The following GALNT13 variants were observed in gnomAD, a reference collection of about 807,000 sequenced individuals.
GALNT13 encodes the protein UDP-GalNAc:polypeptide N-acetylgalactosaminyltransferase 13.
Under a neutral mutation model 64.2 loss-of-function variants are expected in GALNT13, and 28 were observed. That is an observed-to-expected ratio of 0.44 (90% CI 0.32 to 0.60). The LOEUF (loss-of-function observed/expected upper bound fraction) is 0.60, where lower values mean the gene tolerates loss of function less well. Among genes scored for constraint, GALNT13 ranks in the 20% least tolerant of loss-of-function variants. The probability of loss-of-function intolerance (pLI) is 0.05; values close to 1 mark genes in which losing one functional copy is unlikely to be tolerated. For synonymous variants in GALNT13, 214 were observed against 224.6 expected, an observed-to-expected ratio of 0.95 and a Z score of 0.42; for missense variants, 577 against 669.8, an observed-to-expected ratio of 0.86 and a Z score of 1.53.
the GALNT13 span, among the ~76,000 whole-genome samples, chr2:153,735,467 A>G: frequency 6.6e-6 from 1 of 152,130 alleles, no homozygotes; most frequent in African/African-American, 2.4e-5. Flanking sequence ...TCTTTTTAGC[A>G]TGTTATGATG....
At chr2:154,088,961 AT>A (rs1160038187) in intron 3 of GALNT13, among the ~76,000 whole-genome samples, 1 of 152,024 alleles carries the variant, frequency 6.6e-6, no homozygotes, top group South Asian at 2.1e-4. Flanking sequence ...CATCTCTGAG[AT>A]TTTTTGTGAA....
rs148713235 is a variant in GALNT13, at chr2:154,008,511, A to G, written c.142+63872A>G. Among the ~76,000 whole-genome samples the G allele has an allele frequency of 2.1e-3, 313 of 151,962 alleles. 2 individuals carry two copies. Among genetic ancestry groups the G allele is most frequent in the African/African-American group, 7.2e-3 (297 of 41,462 alleles). ...AATTGTGTGTTATGGAGGGTTGGTA[A>G]TACAGATTATTTAATCACCCAGGTA... On this transcript the variant is annotated intron_variant, in intron 3 of 12. Transcript: ENST00000392825.
intron 9 of GALNT13, among the ~76,000 whole-genome samples, chr2:154,389,979 C>T (rs1479948320): frequency 1.3e-5 from 2 of 151,976 alleles, no homozygotes; most frequent in East Asian, 1.9e-4. Flanking sequence ...TTCAAAATGT[C>T]TGGGTGGCCT....
the GALNT13 span, among the ~76,000 whole-genome samples, chr2:153,322,327 T>C: frequency 6.6e-6 from 1 of 152,138 alleles, no homozygotes; most frequent in African/African-American, 2.4e-5. Context: ...TCCATGTTGC[T>C]GCAAAGGGCA....
At chr2:154,215,932 G>T (rs1161017320) in intron 4 of GALNT13, among the ~76,000 whole-genome samples, 2 of 151,770 alleles carry the variant, frequency 1.3e-5, no homozygotes, top group African/African-American at 4.8e-5. Context: ...TAGGGAAAAC[G>T]AACTCTTATA....
At chr2:153,247,036 C>G in the GALNT13 span, among the ~76,000 whole-genome samples, 1 of 151,778 alleles carries the variant, frequency 6.6e-6, no homozygotes, top group Admixed American at 6.6e-5. Context: ...CAACAAAGAT[C>G]AAAAAATAAA....
chr2:154,248,191 A>G (rs1276556580), intron 7 of GALNT13, among the ~76,000 whole-genome samples: 1 of 152,118 alleles, frequency 6.6e-6, no homozygotes, highest in Non-Finnish European at 1.5e-5. Context: ...TAGAAATACA[A>G]TCATGCATCT....
chr2:153,954,152 T>G (rs116469187), intron 3 of GALNT13, among the ~76,000 whole-genome samples: 2,281 of 152,264 alleles, frequency 0.015, 31 homozygotes, highest in African/African-American at 0.023. Flanking sequence ...AAGGGAGAAC[T>G]AAAGAATTAA....
Position 154,199,497 on chromosome 2 carries a change from C to A in GALNT13, c.312-42533C>A, listed in dbSNP as rs992147338. Among the ~76,000 whole-genome samples the A allele has an allele frequency of 4.6e-5, 7 of 152,030 alleles. No homozygotes were observed. In the South Asian group the frequency reaches 1.5e-3, roughly 32 times the overall value. ...GGAAACTTGAGGTTTAGTAAATTTT[C>A]CTTTTGTAATATCTTACCAAAAATG... On this transcript the variant is annotated intron_variant, in intron 4 of 12. Transcript: ENST00000392825.
intron 9 of GALNT13, among the ~76,000 whole-genome samples, chr2:154,348,614 T>C (rs949534886): frequency 1.3e-5 from 2 of 152,112 alleles, no homozygotes; most frequent in Admixed American, 6.6e-5. Context: ...GCATCTATTT[T>C]ATGTTTGGGG....
the GALNT13 span, among the ~76,000 whole-genome samples, chr2:153,597,698 G>A: frequency 6.6e-6 from 1 of 151,894 alleles, no homozygotes; most frequent in Non-Finnish European, 1.5e-5. Context: ...AGACAGAATG[G>A]GAGAAAATGT....
the GALNT13 span, among the ~76,000 whole-genome samples, chr2:153,279,175 A>G: frequency 5.9e-5 from 9 of 152,122 alleles, no homozygotes; most frequent in Non-Finnish European, 1.2e-4. Context: ...TTATTGGTGT[A>G]TAGAAATGCT....
At chr2:153,425,997 A>C in the GALNT13 span, among the ~76,000 whole-genome samples, 1 of 152,018 alleles carries the variant, frequency 6.6e-6, no homozygotes, top group Non-Finnish European at 1.5e-5. Flanking sequence ...TTGGTGCCCT[A>C]AATTTTCTTG....
the GALNT13 span, among the ~76,000 whole-genome samples, chr2:153,861,559 C>CTTTTTTTTTTTTTTTTTTTT: frequency 3.1e-4 from 37 of 118,186 alleles, no homozygotes; most frequent in East Asian, 1.2e-3. Context: ...TTCTTTCTTT[C>CTTTTTTTTTTTTTTTTTTTT]TTTTTTTTTT....
chr2:153,824,747 G>T, the GALNT13 span, among the ~76,000 whole-genome samples: 1 of 152,006 alleles, frequency 6.6e-6, no homozygotes, highest in African/African-American at 2.4e-5. Context: ...TGGATCATGG[G>T]GGCAGATTTC....
At chr2:153,633,767 A>G in the GALNT13 span, among the ~76,000 whole-genome samples, 1 of 152,198 alleles carries the variant, frequency 6.6e-6, no homozygotes, top group Non-Finnish European at 1.5e-5. Context: ...CTAGAGATTT[A>G]TGAAAGTCTT....
intron 10 of GALNT13, among the ~76,000 whole-genome samples, chr2:154,406,249 C>T (rs1041538398): frequency 1.2e-4 from 19 of 152,080 alleles, no homozygotes; most frequent in Admixed American, 1.1e-3. Context: ...GGACCTTCCA[C>T]CCCCATTGTT....
chr2:153,168,915 G>T, the GALNT13 span, among the ~76,000 whole-genome samples: 16 of 151,936 alleles, frequency 1.1e-4, no homozygotes, highest in East Asian at 2.9e-3. Flanking sequence ...ACATTTATTA[G>T]AATAACTGTA....
chr2:154,099,625 C>T (rs114114451), intron 3 of GALNT13, among the ~76,000 whole-genome samples: 3 of 152,040 alleles, frequency 2.0e-5, no homozygotes, highest in African/African-American at 7.2e-5. Context: ...TTTTGTTCTT[C>T]TGCATATGGC....
Sources: gnomAD v4.1 joint callset for allele counts (sites outside exome capture counted in the v4.1 genomes callset) on GRCh38, gnomAD v4.1.1 for gene constraint, MANE v1.5 for transcripts, NCBI Gene and HGNC (gene_info 2026-07-23, HGNC 2026-07-21) for gene names.